Variants in MSRA observed in about 807,000 individuals in gnomAD.
MSRA encodes methionine sulfoxide reductase A.
MSRA carries 54 observed loss-of-function variants against 31.3 expected under a neutral mutation model. The ratio of observed to expected loss-of-function variants is 1.73; its 90% confidence interval spans 1.39 to 2.17. The LOEUF (loss-of-function observed/expected upper bound fraction) is 2.17, where lower values mean the gene tolerates loss of function less well. MSRA is among the 30% of genes most tolerant of loss of function. The pLI is 0.00. For synonymous variants in MSRA, 169 were observed against 116.5 expected, an observed-to-expected ratio of 1.45 and a Z score of -2.90; for missense variants, 507 against 300.9, an observed-to-expected ratio of 1.69 and a Z score of -5.07.
At chr8:10,350,941 C>T (rs1360195848) in intron 5 of MSRA, among the ~76,000 whole-genome samples, 2 of 152,176 alleles carry the variant, frequency 1.3e-5, no homozygotes, top group African/African-American at 2.4e-5. Flanking sequence ...CTGCCTGTGG[C>T]ATTTCTTAAG....
chr8:10,099,426 A>C (rs1462412461), intron 1 of MSRA, among the ~76,000 whole-genome samples: 1 of 152,170 alleles, frequency 6.6e-6, no homozygotes, highest in Admixed American at 6.5e-5. Context: ...AGTTGGGTAG[A>C]GGAGAGGATA....
chr8:10,401,240 C>T lies in MSRA; in HGVS notation c.544-26908C>T, dbSNP rs915918377. On this transcript the variant is annotated intron_variant, in intron 5 of 5. Transcript: ENST00000317173. The stretch of plus-strand genomic sequence containing the variant: ...GAAAGTAACCCCCTTGAAAAATGGG[C>T]AAGGGACTTTGAATAGACATTTCTC... 6.6e-5 allele frequency among the ~76,000 whole-genome samples: 10 copies of T among 152,050 alleles called. No homozygotes were observed. In the South Asian group the frequency reaches 1.9e-3, roughly 28 times the overall value.
rs1277285170 is a variant in MSRA at position 10,428,414 on chromosome 8, A to C, written c.*102A>C. On this transcript the variant is annotated 3_prime_UTR_variant, in exon 6 of 6. Coordinates refer to ENST00000317173, the MANE Select transcript of MSRA (RefSeq NM_012331.5). ...CAATCGTGGCATTTAAAGTGCACAA[A>C]GTACAAAGGAATTTATACAGATTGG... is the stretch of plus-strand genomic sequence containing the variant. The C allele has an allele frequency of 2.0e-5, 25 of 1,252,890 alleles. No individual in the cohort carries two copies. The African/African-American group carries it at 2.1e-4, about 11-fold the overall frequency. 77.6% of individuals were successfully genotyped at this position (1,252,890 alleles called of 1,614,324 possible).
At chr8:10,419,137 C>T (rs542039174) in intron 5 of MSRA, among the ~76,000 whole-genome samples, 20 of 152,300 alleles carry the variant, frequency 1.3e-4, no homozygotes, top group African/African-American at 4.8e-4. Flanking sequence ...CCCCTCCACT[C>T]CCTCCCGACC....
At chr8:10,197,479 C>T (rs1201164469) in intron 1 of MSRA, among the ~76,000 whole-genome samples, 1 of 152,100 alleles carries the variant, frequency 6.6e-6, no homozygotes, top group African/African-American at 2.4e-5. Flanking sequence ...ATCAGCAACC[C>T]TAAGAAGTGG....
chr8:10,133,631 G>C (rs1407989083), intron 1 of MSRA, among the ~76,000 whole-genome samples: 20 of 152,166 alleles, frequency 1.3e-4, no homozygotes, highest in Non-Finnish European at 1.5e-5. Context: ...GGGGAAAAAA[G>C]ACCTACATCA....
intron 3 of MSRA, among the ~76,000 whole-genome samples, chr8:10,251,410 T>G (rs1005966527): frequency 6.6e-6 from 1 of 152,134 alleles, no homozygotes; most frequent in Non-Finnish European, 1.5e-5. Flanking sequence ...GTCAGTCTTA[T>G]TGTACTCATT....
chr8:10,343,237 C>T (rs1209390820), intron 5 of MSRA, among the ~76,000 whole-genome samples: 1 of 152,188 alleles, frequency 6.6e-6, no homozygotes, highest in Non-Finnish European at 1.5e-5. Context: ...GAAAGGGATT[C>T]CAGAATCCAT....
At chr8:10,055,209 C>A (rs1232154624) in intron 1 of MSRA, among the ~76,000 whole-genome samples, 1 of 152,214 alleles carries the variant, frequency 6.6e-6, no homozygotes, top group East Asian at 1.9e-4. Flanking sequence ...TAGGTCGGCC[C>A]CGCTGTCCCC....
chr8:10,286,414 C>G (rs776042761), intron 3 of MSRA, among the ~76,000 whole-genome samples: 10 of 152,206 alleles, frequency 6.6e-5, no homozygotes, highest in Non-Finnish European at 1.0e-4. Context: ...AAGCACTCCT[C>G]TCTTTGCCTG....
intron 1 of MSRA, among the ~76,000 whole-genome samples, chr8:10,184,980 T>C (rs1806891268): frequency 1.3e-5 from 2 of 152,236 alleles, no homozygotes. Flanking sequence ...AGTTTGCATA[T>C]GTAGCCTTTT....
chr8:10,144,082 C>G (rs756061153), intron 1 of MSRA, among the ~76,000 whole-genome samples: 2 of 152,096 alleles, frequency 1.3e-5, no homozygotes, highest in Non-Finnish European at 2.9e-5. Flanking sequence ...GGGAAGTGAA[C>G]AACCCTATAG....
At chr8:10,291,976 C>G (rs1800261940) in intron 3 of MSRA, among the ~76,000 whole-genome samples, 1 of 152,194 alleles carries the variant, frequency 6.6e-6, no homozygotes, top group African/African-American at 2.4e-5. Context: ...ATCCTCAGTG[C>G]TCAGCACCGT....
chr8:10,294,143 G>C (rs1379264459), intron 3 of MSRA, among the ~76,000 whole-genome samples: 1 of 152,210 alleles, frequency 6.6e-6, no homozygotes, highest in Non-Finnish European at 1.5e-5. Flanking sequence ...GGAGGTTCCA[G>C]TGAACCGAGA....
At chr8:10,405,746 C>T (rs1043985542) in intron 5 of MSRA, among the ~76,000 whole-genome samples, 4 of 151,528 alleles carry the variant, frequency 2.6e-5, no homozygotes, top group African/African-American at 9.7e-5. Flanking sequence ...CGTGTGTTCA[C>T]ACACACCCAT....
chr8:10,149,411 A>C (rs1391930777), intron 1 of MSRA, among the ~76,000 whole-genome samples: 1 of 152,204 alleles, frequency 6.6e-6, no homozygotes, highest in African/African-American at 2.4e-5. Flanking sequence ...GGCGTGAGCC[A>C]CCGCGCCCGG....
At chr8:10,364,928 T>G (rs546541585) in intron 5 of MSRA, among the ~76,000 whole-genome samples, 1 of 152,332 alleles carries the variant, frequency 6.6e-6, no homozygotes, top group South Asian at 2.1e-4. Flanking sequence ...TTAATTGATC[T>G]TAAAAATCAG....
At chr8:10,057,078 A>G (rs1802414377) in intron 1 of MSRA, among the ~76,000 whole-genome samples, 1 of 152,232 alleles carries the variant, frequency 6.6e-6, no homozygotes, top group Non-Finnish European at 1.5e-5. Context: ...TGCAAGAAGG[A>G]AAGAGTCAAA....
intron 3 of MSRA, among the ~76,000 whole-genome samples, chr8:10,290,155 C>T (rs988608392): frequency 6.6e-6 from 1 of 152,200 alleles, no homozygotes; most frequent in Non-Finnish European, 1.5e-5. Context: ...GTGCCATTTA[C>T]TTGCCCGTAG....
Sources: allele counts gnomAD v4.1 joint callset (sites outside exome capture counted in the v4.1 genomes callset), GRCh38; gene constraint gnomAD v4.1.1; transcripts MANE v1.5; gene names NCBI Gene and HGNC (gene_info 2026-07-23, HGNC 2026-07-21).